BRINP1: variants seen among roughly 807,000 people sequenced by gnomAD.
BRINP1 encodes the protein BMP/retinoic acid-inducible neural-specific protein 1.
Under a neutral mutation model 72.9 loss-of-function variants are expected in BRINP1, and 17 were observed. The observed-to-expected ratio is 0.23, with a 90% confidence interval of 0.16 to 0.35. The LOEUF is 0.35. Ranked by LOEUF, BRINP1 falls within the 10% of genes least tolerant of loss-of-function variation. The probability of loss-of-function intolerance (pLI) is 1.00; values close to 1 mark genes in which losing one functional copy is unlikely to be tolerated. For synonymous variants in BRINP1, 418 were observed against 378.5 expected (o/e 1.10, Z -1.21); for missense variants, 850 against 1,001.6 (o/e 0.85, Z 2.04).
intron 7 of BRINP1, among the ~76,000 whole-genome samples, chr9:119,207,072 G>T (rs10984440): frequency 0.19 from 28,818 of 152,130 alleles, 3,113 homozygotes; most frequent in Non-Finnish European, 0.25. Context: ...GTTTCATAAG[G>T]GGGGAAAGAG....
At chr9:119,173,391 A>AAGAG (rs2118825806) in intron 7 of BRINP1, among the ~76,000 whole-genome samples, 1 of 147,666 alleles carries the variant, frequency 6.8e-6, no homozygotes, top group Non-Finnish European at 1.5e-5. Flanking sequence ...AATTGCTTCA[A>AAGAG]AGAGAATAAA....
At chr9:119,241,673 T>A (rs912519495) in intron 4 of BRINP1, among the ~76,000 whole-genome samples, 5 of 152,156 alleles carry the variant, frequency 3.3e-5, no homozygotes, top group Admixed American at 6.5e-5. Flanking sequence ...GAGCTAGGCA[T>A]CAGTAATCTA....
At position 119,172,274 on chromosome 9, in the gene BRINP1, C is replaced by T. The variant is rs150520208; in HGVS notation, c.1146-4050G>A. On this transcript the variant is annotated intron_variant, in intron 7 of 7. Coordinates refer to ENST00000265922, the MANE Select transcript of BRINP1 (RefSeq NM_014618.3). ...GAAGAAAAGAGAAGAATCAAATAGACGCAATAAAAAATGATAAAGGGGATA... is the reference window on the plus strand; with the variant it reads ...GAAGAAAAGAGAAGAATCAAATAGATGCAATAAAAAATGATAAAGGGGATA... Among the ~76,000 whole-genome samples, 657 of 151,858 alleles carry T rather than the reference C, an allele frequency of 4.3e-3. 10 individuals are homozygous for T. Among genetic ancestry groups the T allele is most frequent in the East Asian group, 0.026 (135 of 5,166 alleles).
At chr9:119,212,420 A>G (rs1293133295) in intron 6 of BRINP1, among the ~76,000 whole-genome samples, 1 of 152,246 alleles carries the variant, frequency 6.6e-6, no homozygotes, top group African/African-American at 2.4e-5. Flanking sequence ...CTTCTCATTT[A>G]TCAGATGAGG....
chr9:119,299,695 A>G (rs1830920658), intron 2 of BRINP1, among the ~76,000 whole-genome samples: 1 of 151,980 alleles, frequency 6.6e-6, no homozygotes, highest in Non-Finnish European at 1.5e-5. Context: ...AATGTCCTCC[A>G]GGTTCATCCA....
chr9:119,342,348 C>T (rs1292095832), intron 1 of BRINP1, among the ~76,000 whole-genome samples: 1 of 152,118 alleles, frequency 6.6e-6, no homozygotes, highest in Admixed American at 6.5e-5. Flanking sequence ...ACAATAGAAA[C>T]TGTTAAAGTG....
intron 2 of BRINP1, among the ~76,000 whole-genome samples, chr9:119,310,705 G>T (rs1172386121): frequency 6.6e-6 from 1 of 152,124 alleles, no homozygotes; most frequent in Non-Finnish European, 1.5e-5. Context: ...CACTAGGATA[G>T]TCAGGCCTTT....
At chr9:119,194,938 C>T (rs1308902713) in intron 7 of BRINP1, among the ~76,000 whole-genome samples, 1 of 152,158 alleles carries the variant, frequency 6.6e-6, no homozygotes, top group African/African-American at 2.4e-5. Flanking sequence ...TAATTTGCTA[C>T]ATAATAAAAA....
chr9:119,167,876 G>C lies in BRINP1; in HGVS notation c.1494C>G (p.Arg498=), dbSNP rs1420089147. ...TGATGAAGGTGGTGTGGACGTAGAGGCGTGAGTCCATCTTCTGCAGCAGGT... is the reference window on the plus strand; with the variant it reads ...TGATGAAGGTGGTGTGGACGTAGAGCCGTGAGTCCATCTTCTGCAGCAGGT... ...LKYLLQKMDS[R]LYVHTTFISN... is the part of the protein sequence containing the mutation. Residue 498 remains arginine, a synonymous_variant, in exon 8 of 8, where the codon CGC becomes CGG. Coordinates refer to ENST00000265922, the MANE Select transcript of BRINP1 (RefSeq NM_014618.3). The surrounding 1 kb of genome is among the most constrained non-coding windows in gnomAD (Gnocchi z 4.3). The C allele has an allele frequency of 1.9e-6, 3 of 1,614,100 alleles. No homozygotes were observed. In the Admixed American group the frequency reaches 5.0e-5, roughly 27 times the overall value.
intron 1 of BRINP1, among the ~76,000 whole-genome samples, chr9:119,332,755 G>C (rs964657303): frequency 6.6e-6 from 1 of 152,152 alleles, no homozygotes; most frequent in Non-Finnish European, 1.5e-5. Flanking sequence ...GCAGGAGCAA[G>C]AGCAGCCCAG....
chr9:119,299,646 TTA>T (rs963163716), intron 2 of BRINP1, among the ~76,000 whole-genome samples: 1 of 151,482 alleles, frequency 6.6e-6, no homozygotes, highest in Middle Eastern at 3.2e-3. Flanking sequence ...GTACATGTGG[TTA>T]TATGTCTTTC....
intron 1 of BRINP1, among the ~76,000 whole-genome samples, chr9:119,362,230 G>T (rs1459421093): frequency 1.3e-5 from 2 of 152,134 alleles, no homozygotes; most frequent in African/African-American, 2.4e-5. Flanking sequence ...TCTTGAGGGG[G>T]TCTAGATATA....
chr9:119,362,226 G>A (rs1450924180), intron 1 of BRINP1, among the ~76,000 whole-genome samples: 1 of 152,124 alleles, frequency 6.6e-6, no homozygotes, highest in Non-Finnish European at 1.5e-5. Flanking sequence ...AGGTTCTTGA[G>A]GGGGTCTAGA....
At position 119,320,281 on chromosome 9, in the gene BRINP1, C is replaced by A. The variant is rs540605522; in HGVS notation, c.-50-6876G>T. On this transcript the variant is annotated intron_variant, in intron 1 of 7. Transcript: ENST00000265922. ...GCTGATCGCCCATCTCTCACTCTAT[C>A]TCCCTCTCATCAAATGAACTGTGGA... Among the ~76,000 whole-genome samples the A allele has an allele frequency of 1.5e-4, 23 of 152,292 alleles. No homozygotes were observed. In the East Asian group the frequency reaches 4.3e-3, roughly 28 times the overall value.
At chr9:119,316,406 T>C (rs892967770) in intron 1 of BRINP1, among the ~76,000 whole-genome samples, 3 of 152,182 alleles carry the variant, frequency 2.0e-5, no homozygotes, top group African/African-American at 7.2e-5. Flanking sequence ...ATTTTCAATG[T>C]ATACAAAATA....
intron 1 of BRINP1, among the ~76,000 whole-genome samples, chr9:119,352,699 G>A (rs1048331683): frequency 2.0e-5 from 3 of 152,204 alleles, no homozygotes; most frequent in African/African-American, 7.2e-5. Flanking sequence ...GAGCCACCAT[G>A]CCTGGTCAGA....
rs1219959930 is a variant in BRINP1, at chr9:119,167,229, T to A, written c.2141A>T (p.Lys714Ile). 1 of 1,614,130 alleles carries A rather than the reference T, an allele frequency of 6.2e-7. No individual in the cohort carries two copies. Among genetic ancestry groups the A allele is most frequent in the Non-Finnish European group, 8.5e-7 (1 of 1,180,024 alleles). ...ACAGGAGAACAAGTCCAGCTGGGGT[T>A]TCCCCGGGGCCACAGGAGGGGCCAG... ...NRLAPPVAPG[K>I]PQLDLFSCML... Residue 714 changes from lysine (K) to isoleucine (I), a missense_variant, in exon 8 of 8, where the codon AAA (lysine) becomes ATA (isoleucine). Transcript: ENST00000265922. This position sits in a 1 kb window ranked among gnomAD's most constrained non-coding sequence, Gnocchi z 4.3.
chr9:119,167,492 A>G lies in BRINP1; in HGVS notation c.1878T>C (p.Pro626=), dbSNP rs766073311. ...HIYLRSRTRL[P]TLLRNETGQG... ...GGCCAGTCTCATTTCGCAGTAGGGT[A>G]GGTAGCCGAGTCCGACTACGTAGGT... Residue 626 remains proline (P), a synonymous_variant, in exon 8 of 8, where the codon CCT becomes CCC. Coordinates refer to ENST00000265922, the MANE Select transcript of BRINP1 (RefSeq NM_014618.3). This position sits in a 1 kb window ranked among gnomAD's most constrained non-coding sequence, Gnocchi z 4.3. The G allele has an allele frequency of 9.9e-6, 16 of 1,614,144 alleles. No individual in the cohort carries two copies. In the African/African-American group the frequency reaches 2.1e-4, roughly 22 times the overall value.
Position 119,166,966 on chromosome 9 carries a change from T to TC in BRINP1, c.*117dup. The TC allele has an allele frequency of 5.3e-6, 6 of 1,125,802 alleles. No individual in the cohort carries two copies. In the South Asian group the frequency reaches 9.5e-5, roughly 18 times the overall value. The allele number at this position is 1,125,802 out of a possible 1,614,324, so 69.7% of individuals were successfully genotyped here. A position where few individuals can be genotyped will look rare whatever the true frequency, so the allele number is the denominator to read the frequency against. On this transcript the variant is annotated 3_prime_UTR_variant, in exon 8 of 8. Coordinates refer to ENST00000265922, the MANE Select transcript of BRINP1 (RefSeq NM_014618.3). ...CAACAAATGAAGATTTTCCTCCTTT[T>TC]CTTTGAATATTAATTACATTTTACA...
Sources: gnomAD v4.1 joint callset for allele counts (sites outside exome capture counted in the v4.1 genomes callset) on GRCh38, gnomAD v4.1.1 for gene constraint, Gnocchi (gnomAD v3.1) non-coding constraint, MANE v1.5 for transcripts, NCBI Gene and HGNC (gene_info 2026-07-23, HGNC 2026-07-21) for gene names.